Variants in DCAF1 observed in about 807,000 individuals in gnomAD.
The protein encoded by DCAF1 is DDB1- and CUL4-associated factor 1.
A neutral mutation model predicts 128.0 loss-of-function variants in DCAF1; 15 were observed. That is an observed-to-expected ratio of 0.12 (90% CI 0.08 to 0.18). The LOEUF (loss-of-function observed/expected upper bound fraction) is 0.18, where lower values mean the gene tolerates loss of function less well. Ranked by LOEUF, DCAF1 falls within the 10% of genes least tolerant of loss-of-function variation. DCAF1 has a pLI of 1.00. For synonymous variants in DCAF1, 610 were observed against 603.0 expected (o/e 1.01, Z -0.17); for missense variants, 988 against 1,649.5 (o/e 0.60, Z 6.95).
chr3:51,465,367 A>G (rs1347396424), intron 5 of DCAF1, among the ~76,000 whole-genome samples: 1 of 152,206 alleles, frequency 6.6e-6, no homozygotes, highest in Non-Finnish European at 1.5e-5. Flanking sequence ...CCCAGAAGGA[A>G]ATGTCTAGAA....
Position 51,493,805 on chromosome 3 carries a change from G to A in DCAF1, c.-9+2929C>T, listed in dbSNP as rs376818122. ...GAGGTCAACAGTTCGAGACCAGCCT[G>A]GCCAACATGGTGAAACCCCCGTCTC... On this transcript the variant is annotated intron_variant, in intron 2 of 24. Transcript: ENST00000684031. Among the ~76,000 whole-genome samples the A allele has an allele frequency of 2.7e-3, 406 of 152,070 alleles. 3 individuals carry two copies. Among genetic ancestry groups the A allele is most frequent in the African/African-American group, 9.4e-3 (389 of 41,516 alleles).
intron 3 of DCAF1, among the ~76,000 whole-genome samples, chr3:51,475,818 G>A (rs1280232885): frequency 4.0e-5 from 6 of 151,866 alleles, no homozygotes; most frequent in East Asian, 2.0e-4. Context: ...CCGAGATTGC[G>A]CCATCGCACT....
intron 10 of DCAF1, among the ~76,000 whole-genome samples, chr3:51,432,309 T>C (rs1700462825): frequency 6.8e-6 from 1 of 148,134 alleles, no homozygotes; most frequent in African/African-American, 2.5e-5. Context: ...TAGCCAGGCA[T>C]GGTGGCACAA....
upstream of DCAF1, among the ~76,000 whole-genome samples, chr3:51,504,172 G>A (rs2108659540): frequency 6.6e-6 from 1 of 151,962 alleles, no homozygotes; most frequent in Middle Eastern, 3.4e-3. Context: ...GAGTAGCTGG[G>A]ACTACAGGCG....
At chr3:51,501,392 A>G (rs1332109772), upstream of DCAF1, among the ~76,000 whole-genome samples, 2 of 152,098 alleles carry the variant, frequency 1.3e-5, no homozygotes, top group African/African-American at 4.8e-5. Context: ...GAAGATAAAC[A>G]TGACCCACAG....
rs2089870704 is a variant in DCAF1, at chr3:51,403,339, A to G, written c.4269T>C (p.Asp1423=). 6.4e-7 allele frequency: 1 copy of G among 1,558,836 alleles called. No individual in the cohort carries two copies. The highest frequency in any genetic ancestry group is 8.7e-7 in the Non-Finnish European group (1 of 1,151,020). Residue 1423 remains aspartate (D), a synonymous_variant, in exon 24 of 25, where the codon GAT becomes GAC. Coordinates refer to ENST00000684031, the MANE Select transcript of DCAF1 (RefSeq NM_001387579.1). ...DDDEDDDDTD[D]LDELDTDQLL... The stretch of plus-strand genomic sequence containing the variant: ...ACTGGTCAGTGTCAAGCTCATCTAA[A>G]TCATCGGTGTCATCATCATCTTCAT...
At chr3:51,444,108 GCTAT>G (rs1701618881) in intron 6 of DCAF1, among the ~76,000 whole-genome samples, 1 of 151,994 alleles carries the variant, frequency 6.6e-6, no homozygotes, top group African/African-American at 2.4e-5. Context: ...TAAAACTCAA[GCTAT>G]CTCTTTTAGG....
chr3:51,403,081 C>G, intron 24 of DCAF1, 62 bp downstream of exon 24: 1 of 1,534,686 alleles, frequency 6.5e-7, no homozygotes, highest in East Asian at 2.3e-5. Flanking sequence ...GTTGTATGGG[C>G]ACAAAAGAAG....
chr3:51,415,475 A>G (rs1358691797), intron 18 of DCAF1, among the ~76,000 whole-genome samples: 3 of 152,174 alleles, frequency 2.0e-5, no homozygotes, highest in Admixed American at 6.5e-5. Flanking sequence ...AGCCTGGGTG[A>G]CAGAACAAGA....
In DCAF1 at chr3:51,418,895, G is replaced by T. The variant is rs191092109; in HGVS notation, c.3237-19C>A. ...ACGGAATCTAAGCAAAAAAAAGAGA[G>T]AATCACAGGCAAAGAATGTGCAGGG... On this transcript the variant is annotated intron_variant, in intron 15 of 24. Coordinates refer to ENST00000684031, the MANE Select transcript of DCAF1 (RefSeq NM_001387579.1). 1.0e-4 allele frequency: 159 copies of T among 1,585,100 alleles called. 2 individuals are homozygous for T. The South Asian group carries it at 1.7e-3, about 17-fold the overall frequency.
chr3:51,468,438 C>T (rs977202733), intron 4 of DCAF1, among the ~76,000 whole-genome samples: 5 of 152,106 alleles, frequency 3.3e-5, no homozygotes, highest in Admixed American at 3.3e-4. Context: ...TCCCAAAGTG[C>T]TGGGATTACA....
chr3:51,485,256 C>G (rs1706797125), intron 2 of DCAF1, among the ~76,000 whole-genome samples: 1 of 152,190 alleles, frequency 6.6e-6, no homozygotes, highest in Non-Finnish European at 1.5e-5. Context: ...GAAATGGACA[C>G]TACTGCCAGC....
chr3:51,492,224 C>T (rs1553658377), intron 2 of DCAF1, among the ~76,000 whole-genome samples: 1 of 151,940 alleles, frequency 6.6e-6, no homozygotes, highest in Non-Finnish European at 1.5e-5. Context: ...GGATCTTTGC[C>T]TCACAGTATA....
intron 2 of DCAF1, among the ~76,000 whole-genome samples, chr3:51,489,285 T>G (rs1024134258): frequency 1.3e-5 from 2 of 151,176 alleles, no homozygotes; most frequent in African/African-American, 4.9e-5. Context: ...AATAAAAAAT[T>G]AGCAGGGCAT....
At chr3:51,484,114 T>C (rs1706617924) in intron 2 of DCAF1, among the ~76,000 whole-genome samples, 1 of 152,126 alleles carries the variant, frequency 6.6e-6, no homozygotes, top group Non-Finnish European at 1.5e-5. Context: ...AAAACAGTGA[T>C]TCTTAACCTT....
intron 20 of DCAF1, 66 bp downstream of exon 20, chr3:51,413,884 A>C: frequency 7.4e-7 from 1 of 1,360,394 alleles, no homozygotes; most frequent in Non-Finnish European, 9.5e-7. Flanking sequence ...TTCCAAAAAG[A>C]AGTATCAAAT....
chr3:51,452,255 C>T (rs1702431701), intron 6 of DCAF1, among the ~76,000 whole-genome samples: 2 of 151,992 alleles, frequency 1.3e-5, no homozygotes, highest in African/African-American at 2.4e-5. Context: ...CTTAGGTTAT[C>T]CAGGCTGAAT....
intron 9 of DCAF1, chr3:51,438,166 T>A (rs1553637555): frequency 5.5e-6 from 2 of 364,966 alleles, no homozygotes; most frequent in Non-Finnish European, 1.1e-5. Context: ...AAAATTAAAC[T>A]TTAGCCCAGC....
chr3:51,470,827 A>T, intron 4 of DCAF1, 102 bp downstream of exon 4: 2 of 726,546 alleles, frequency 2.8e-6, no homozygotes, highest in South Asian at 3.3e-5. Flanking sequence ...ATTTTCCCAT[A>T]AGCAATTTTT....
Sources: allele counts gnomAD v4.1 joint callset (sites outside exome capture counted in the v4.1 genomes callset), GRCh38; gene constraint gnomAD v4.1.1; transcripts MANE v1.5; gene names NCBI Gene and HGNC (gene_info 2026-07-23, HGNC 2026-07-21).